RPS29: variants seen among roughly 807,000 people sequenced by gnomAD.
RPS29 encodes the protein small ribosomal subunit protein uS14.
For missense variants in RPS29, 60 were observed against 75.7 expected, an observed-to-expected ratio of 0.79 and a Z score of 0.77; for synonymous variants, 37 against 26.9, an observed-to-expected ratio of 1.37 and a Z score of -1.16.
At chr14:49,582,372 A>G (rs938041027), downstream of RPS29, among the ~76,000 whole-genome samples, 6 of 152,186 alleles carry the variant, frequency 3.9e-5, no homozygotes, top group South Asian at 2.1e-4. Context: ...CAACTTTGCT[A>G]TTTCTCTGAT....
rs60555753 is a variant in RPS29, at chr14:49,578,559, C to CTTTTTTTTTTTTTT, written c.163-720_163-707dup. ...CTACCAATATTTACCAAAGCTTTCA[C>CTTTTTTTTTTTTTT]TTTTTTTTTTTTTTTTTTTGAGACA... On this transcript the variant is annotated intron_variant, in intron 2 of 2. Coordinates refer to the RPS29 transcript ENST00000396020. 1.3e-4 allele frequency among the ~76,000 whole-genome samples: 13 copies of CTTTTTTTTTTTTTT among 103,448 alleles called. 2 individuals are homozygous for CTTTTTTTTTTTTTT. Among genetic ancestry groups the CTTTTTTTTTTTTTT allele is most frequent in the South Asian group, 3.0e-4 (1 of 3,304 alleles). The allele number at this position is 103,448 out of a possible 152,430, so 67.9% of individuals were successfully genotyped here. A position where few individuals can be genotyped will look rare whatever the true frequency, so the allele number is the denominator to read the frequency against.
At chr14:49,585,620 G>C (rs1881515307) in intron 2 of RPS29, 5 of 424,184 alleles carry the variant, frequency 1.2e-5, no homozygotes, top group Admixed American at 7.9e-5. Flanking sequence ...TTACAAGATT[G>C]ATAAATGAAA....
At chr14:49,592,921 A>T (rs1169595138) in intron 1 of RPS29, among the ~76,000 whole-genome samples, 1 of 149,796 alleles carries the variant, frequency 6.7e-6, no homozygotes, top group Admixed American at 6.7e-5. Context: ...AAAAAAAAAA[A>T]TTAAAATTAA....
At chr14:49,579,082 G>A (rs533110136), downstream of RPS29, among the ~76,000 whole-genome samples, 4 of 152,166 alleles carry the variant, frequency 2.6e-5, no homozygotes, top group African/African-American at 9.7e-5. Context: ...AAATCCACAT[G>A]ATGAAACCCT....
intron 2 of RPS29, among the ~76,000 whole-genome samples, 170 bp from the exon 3 acceptor site, chr14:49,583,845 C>T (rs995573411): frequency 1.3e-5 from 2 of 152,218 alleles, no homozygotes; most frequent in South Asian, 4.1e-4. Flanking sequence ...ATGCCTACTC[C>T]AGAATCAACC....
chr14:49,590,688 CT>C (rs541653189), upstream of RPS29, among the ~76,000 whole-genome samples: 247 of 142,922 alleles, frequency 1.7e-3, no homozygotes, highest in Middle Eastern at 3.6e-3. Context: ...AGAATTAGGT[CT>C]TTTTTTTTTT....
At chr14:49,571,027 T>G (rs909115073) in exon 3 of RPS29, 1 of 152,202 alleles carries the variant, frequency 6.6e-6, no homozygotes, top group Non-Finnish European at 1.5e-5. Flanking sequence ...TTTGGGTACA[T>G]GCACCAACTG....
At chr14:49,586,545 C>G (rs144982700), upstream of RPS29, 1,386 of 606,296 alleles carry the variant, frequency 2.3e-3, 10 homozygotes, top group African/African-American at 0.011. Flanking sequence ...CACCATACCA[C>G]AGCTTCTAGT....
chr14:49,596,776 G>A (rs888181874), intron 1 of RPS29, among the ~76,000 whole-genome samples: 2 of 127,954 alleles, frequency 1.6e-5, no homozygotes, highest in African/African-American at 5.6e-5. Context: ...CTGAGATTGA[G>A]GCTTTTTTTT....
At chr14:49,584,102 C>T in intron 2 of RPS29, among the ~76,000 whole-genome samples, 1 of 152,234 alleles carries the variant, frequency 6.6e-6, no homozygotes, top group South Asian at 2.1e-4. Context: ...CCACCTCAAC[C>T]TCCTGAGTAG....
intron 1 of RPS29, among the ~76,000 whole-genome samples, chr14:49,594,491 G>C (rs1480986420): frequency 6.6e-6 from 1 of 152,200 alleles, no homozygotes; most frequent in Non-Finnish European, 1.5e-5. Context: ...TCATTCATTA[G>C]TAAATAATCG....
At chr14:49,580,665 A>G (rs1363079437), downstream of RPS29, among the ~76,000 whole-genome samples, 2 of 152,120 alleles carry the variant, frequency 1.3e-5, no homozygotes. Flanking sequence ...TGAGGTCAGG[A>G]GTTCAAAAGC....
chr14:49,576,362 C>G (rs1206352036), exon 3 of RPS29: 3 of 152,108 alleles, frequency 2.0e-5, no homozygotes, highest in African/African-American at 4.8e-5. Flanking sequence ...CTCAGCCTCC[C>G]AAAAGGCTAG....
exon 3 of RPS29, chr14:49,577,349 A>G (rs1264442652): frequency 6.1e-6 from 1 of 163,710 alleles, no homozygotes; most frequent in Non-Finnish European, 1.3e-5. Flanking sequence ...TTACAGTTTT[A>G]TTGGTTTTAT....
At chr14:49,583,261 G>C (rs1881395992), downstream of RPS29, among the ~76,000 whole-genome samples, 1 of 152,158 alleles carries the variant, frequency 6.6e-6, no homozygotes, top group Admixed American at 6.5e-5. Context: ...AGTTTTTAAA[G>C]GATTTCTTGC....
At chr14:49,597,249 G>A (rs1372073807) in intron 1 of RPS29, among the ~76,000 whole-genome samples, 2 of 151,584 alleles carry the variant, frequency 1.3e-5, no homozygotes, top group Non-Finnish European at 2.9e-5. Flanking sequence ...TTGTGGAGAC[G>A]AGGTCTCACT....
downstream of RPS29, among the ~76,000 whole-genome samples, chr14:49,582,163 T>G (rs750007127): frequency 3.3e-5 from 5 of 152,166 alleles, no homozygotes; most frequent in Admixed American, 6.6e-5. Flanking sequence ...CTGGGCACAG[T>G]AGTGCACACC....
At chr14:49,577,845 C>A (rs750841465) in exon 3 of RPS29, 55 of 1,592,874 alleles carry the variant, frequency 3.5e-5, no homozygotes, top group Non-Finnish European at 4.7e-5. Context: ...GAAGACAGCT[C>A]AGGTCTTTCT....
chr14:49,572,523 A>G (rs537380902), exon 3 of RPS29: 1 of 152,322 alleles, frequency 6.6e-6, no homozygotes, highest in South Asian at 2.1e-4. Context: ...TAGAATAAAT[A>G]ATTTTTTCCG....
Sources: gnomAD v4.1 joint callset for allele counts (sites outside exome capture counted in the v4.1 genomes callset) on GRCh38, gnomAD v4.1.1 for gene constraint, MANE v1.5 for transcripts, NCBI Gene and HGNC (gene_info 2026-07-23, HGNC 2026-07-21) for gene names.